Variants in NCK2 observed in about 807,000 individuals in gnomAD.
NCK2 encodes cytoplasmic protein NCK2.
NCK2 carries 16 observed loss-of-function variants against 33.9 expected under a neutral mutation model. The ratio of observed to expected loss-of-function variants is 0.47; its 90% CI spans 0.32 to 0.72. The LOEUF is 0.72. NCK2 is among the 30% of genes least tolerant of loss of function. NCK2 has a pLI of 0.03. For synonymous variants in NCK2, 273 were observed against 239.9 expected (o/e 1.14, Z -1.27); for missense variants, 418 against 537.3 (o/e 0.78, Z 2.19).
At chr2:105,852,624 C>T (rs1428979088) in intron 2 of NCK2, among the ~76,000 whole-genome samples, 2 of 152,158 alleles carry the variant, frequency 1.3e-5, no homozygotes, top group African/African-American at 2.4e-5. Flanking sequence ...TGGTCTTAAG[C>T]GATGGGCTGC....
chr2:105,824,378 A>G (rs1252081767), intron 2 of NCK2, among the ~76,000 whole-genome samples: 2 of 152,194 alleles, frequency 1.3e-5, no homozygotes, highest in Admixed American at 6.5e-5. Flanking sequence ...TATGCCACTT[A>G]TGATCTTACC....
chr2:105,787,619 G>A (rs1690725789), intron 1 of NCK2, among the ~76,000 whole-genome samples: 1 of 152,134 alleles, frequency 6.6e-6, no homozygotes, highest in Non-Finnish European at 1.5e-5. Flanking sequence ...TGTTAGGGCT[G>A]CCTGAGCTGA....
intron 1 of NCK2, among the ~76,000 whole-genome samples, chr2:105,783,508 G>A (rs1467825069): frequency 6.6e-6 from 1 of 152,148 alleles, no homozygotes; most frequent in Non-Finnish European, 1.5e-5. Context: ...CCTGCTTGTG[G>A]GAAGCTTCGT....
intron 1 of NCK2, among the ~76,000 whole-genome samples, chr2:105,752,911 GAC>G (rs138786837): frequency 1.2e-4 from 18 of 151,858 alleles, no homozygotes; most frequent in African/African-American, 3.9e-4. Flanking sequence ...CACGGACACA[GAC>G]ACACACACAC....
At chr2:105,885,810 C>T (rs1399659587) in intron 4 of NCK2, among the ~76,000 whole-genome samples, 1 of 152,162 alleles carries the variant, frequency 6.6e-6, no homozygotes, top group Admixed American at 6.5e-5. Flanking sequence ...AAAATATTGT[C>T]ATAAAGCTGA....
intron 2 of NCK2, among the ~76,000 whole-genome samples, chr2:105,829,447 AC>A (rs1676081214): frequency 6.6e-6 from 1 of 152,096 alleles, no homozygotes; most frequent in Non-Finnish European, 1.5e-5. Flanking sequence ...TGGATTTAAA[AC>A]TTTTTTAACC....
chr2:105,853,828 T>C (rs1677156779), intron 2 of NCK2: 1 of 151,766 alleles, frequency 6.6e-6, no homozygotes. Flanking sequence ...ACATCAGGGG[T>C]GGAGCGTGGG....
chr2:105,884,452 C>CT (rs1407525799), intron 4 of NCK2, among the ~76,000 whole-genome samples: 1 of 152,152 alleles, frequency 6.6e-6, no homozygotes, highest in African/African-American at 2.4e-5. Context: ...ATTTAATTTC[C>CT]TTTTTTTCTT....
At chr2:105,757,130 A>G (rs1689623317) in intron 1 of NCK2, among the ~76,000 whole-genome samples, 1 of 152,160 alleles carries the variant, frequency 6.6e-6, no homozygotes, top group Admixed American at 6.5e-5. Context: ...TTAATGGCTC[A>G]TGTAAATCTG....
intron 2 of NCK2, among the ~76,000 whole-genome samples, chr2:105,824,312 C>G (rs1675861846): frequency 6.6e-6 from 1 of 152,218 alleles, no homozygotes; most frequent in African/African-American, 2.4e-5. Flanking sequence ...GCAGATCTGA[C>G]AGTGAGAGCC....
At position 105,823,788 on chromosome 2, in the gene NCK2, C is replaced by G. The variant is rs1233863378; in HGVS notation, c.-17+7175C>G. On this transcript the variant is annotated intron_variant, in intron 2 of 4. Coordinates refer to ENST00000233154, the MANE Select transcript of NCK2 (RefSeq NM_003581.5). ...GCTTCTCAGAGTCACACCTGACCAA[C>G]AGTCACACTGACAAGTTAATTGGTG... Among the ~76,000 whole-genome samples, 3 of 152,094 alleles carry G rather than the reference C, an allele frequency of 2.0e-5. No homozygotes were observed. The South Asian group carries it at 6.2e-4, about 31-fold the overall frequency.
intron 2 of NCK2, among the ~76,000 whole-genome samples, chr2:105,832,005 T>C (rs1287919185): frequency 1.3e-5 from 2 of 152,104 alleles, no homozygotes. Flanking sequence ...ACATGGGATA[T>C]CTTTTCATTT....
chr2:105,821,020 A>G (rs968796865), intron 2 of NCK2, among the ~76,000 whole-genome samples: 5 of 152,258 alleles, frequency 3.3e-5, no homozygotes, highest in African/African-American at 1.2e-4. Context: ...CTGAGCAGTG[A>G]GCATGAGAAG....
intron 2 of NCK2, among the ~76,000 whole-genome samples, chr2:105,833,794 A>G (rs545923838): frequency 3.3e-5 from 5 of 152,050 alleles, no homozygotes; most frequent in Admixed American, 6.6e-5. Context: ...ATTTATTGCT[A>G]TAAACATCCC....
intron 1 of NCK2, among the ~76,000 whole-genome samples, chr2:105,812,135 C>T (rs1311530400): frequency 6.6e-6 from 1 of 152,190 alleles, no homozygotes; most frequent in African/African-American, 2.4e-5. Flanking sequence ...AAACTTGATA[C>T]TTTTACTTTT....
intron 1 of NCK2, among the ~76,000 whole-genome samples, chr2:105,769,795 AG>A (rs1225659463): frequency 8.7e-6 from 1 of 114,818 alleles, no homozygotes; most frequent in Admixed American, 8.9e-5. Context: ...CAGTAAAAGG[AG>A]TTGTAGAAGG....
At chr2:105,820,035 C>G (rs960633772) in intron 2 of NCK2, among the ~76,000 whole-genome samples, 18 of 152,324 alleles carry the variant, frequency 1.2e-4, no homozygotes, top group African/African-American at 4.3e-4. Flanking sequence ...CAGCCAGTCC[C>G]TAATACTTGA....
intron 4 of NCK2, among the ~76,000 whole-genome samples, chr2:105,882,576 C>G (rs999670143): frequency 1.3e-5 from 2 of 152,020 alleles, no homozygotes; most frequent in African/African-American, 4.8e-5. Flanking sequence ...AAAGCACTTA[C>G]GAGATAAATT....
chr2:105,795,428 G>GC (rs1439291633), intron 1 of NCK2, among the ~76,000 whole-genome samples: 6 of 152,118 alleles, frequency 3.9e-5, no homozygotes, highest in Admixed American at 3.9e-4. Context: ...AACTGAATGG[G>GC]CCTGTTTATT....
Sources: gnomAD v4.1 joint callset for allele counts (sites outside exome capture counted in the v4.1 genomes callset) on GRCh38, gnomAD v4.1.1 for gene constraint, MANE v1.5 for transcripts, NCBI Gene and HGNC (gene_info 2026-07-23, HGNC 2026-07-21) for gene names.